The following ZNF208 variants were observed in gnomAD, a reference collection of about 807,000 sequenced individuals.
ZNF208 encodes zinc finger protein 95.
ZNF208 carries 10 observed loss-of-function variants against 12.1 expected under a neutral mutation model. The observed-to-expected ratio is 0.83, with a 90% CI of 0.51 to 1.40. ZNF208 has a LOEUF of 1.40. Among genes scored for constraint, ZNF208 ranks in the 40% most tolerant of loss-of-function variants. The pLI is 0.00. For synonymous variants in ZNF208, 497 were observed against 488.4 expected (o/e 1.02, Z -0.23); for missense variants, 1,652 against 1,485.0 (o/e 1.11, Z -1.85).
At chr19:21,940,486 T>C (rs1219664403) in intron 4 of ZNF208, 1 of 152,178 alleles carries the variant, frequency 6.6e-6, no homozygotes, top group East Asian at 1.9e-4. Context: ...AACTCTCACT[T>C]TAGGCGAGCA....
chr19:21,946,351 C>G (rs141172623), intron 4 of ZNF208, among the ~76,000 whole-genome samples: 263 of 152,318 alleles, frequency 1.7e-3, no homozygotes, highest in African/African-American at 5.8e-3. Context: ...CCAGGCAAAG[C>G]TGAGTCACAC....
At chr19:21,983,167 G>GAA (rs142980740) in intron 3 of ZNF208, among the ~76,000 whole-genome samples, 16 of 150,268 alleles carry the variant, frequency 1.1e-4, no homozygotes, top group South Asian at 2.1e-4. Context: ...AAATTTACAA[G>GAA]AAAAAAAAAC....
Position 21,974,410 on chromosome 19 carries a change from T to G in ZNF208, c.624A>C (p.Lys208Asn), listed in dbSNP as rs1970385954. ...ENSYKCEEGG[K>N]AFNWSSTLTY... ...TAAGGGTTGAGGACCAGTTAAAAGC[T>G]TTGCCACCTTCTTCACATTTGTAGG... Residue 208 changes from lysine to asparagine, a missense_variant, in exon 4 of 4, where the codon AAA becomes AAC. This residue lies in a region of ZNF208 where 410 missense variants were observed against 378.2 expected (regional missense o/e 1.08). Coordinates refer to ENST00000397126, the MANE Select transcript of ZNF208 (RefSeq NM_007153.3). 1 of 1,613,838 alleles carries G rather than the reference T, an allele frequency of 6.2e-7. No homozygotes were observed. The highest frequency in any genetic ancestry group is 8.5e-7 in the Non-Finnish European group (1 of 1,179,826).
chr19:21,971,023 G>T lies in ZNF208; in HGVS notation c.*168C>A, dbSNP rs1970269144. 1.3e-5 allele frequency among the ~76,000 whole-genome samples: 2 copies of T among 151,636 alleles called. No individual in the cohort carries two copies. Among genetic ancestry groups the T allele is most frequent in the Admixed American group, 6.6e-5 (1 of 15,204 alleles). ...AGCCTTTACCACATTCTTCACATTT[G>T]TAGGGTGTCTCTCCAGTATGAATTC... On this transcript the variant is annotated 3_prime_UTR_variant, in exon 4 of 4. Transcript: ENST00000397126.
At chr19:21,942,792 G>T (rs1180080405) in intron 4 of ZNF208, among the ~76,000 whole-genome samples, 1 of 151,948 alleles carries the variant, frequency 6.6e-6, no homozygotes, top group Admixed American at 6.6e-5. Context: ...GGTATTACAG[G>T]TACACACCAC....
chr19:21,999,155 A>T (rs1165825991), intron 1 of ZNF208, among the ~76,000 whole-genome samples: 1 of 151,730 alleles, frequency 6.6e-6, no homozygotes, highest in Non-Finnish European at 1.5e-5. Context: ...TTAATGGTAA[A>T]TTTTTTTGGA....
intron 4 of ZNF208, among the ~76,000 whole-genome samples, chr19:21,948,886 G>A (rs2666450): frequency 0.62 from 93,843 of 151,950 alleles, 29,703 homozygotes; most frequent in African/African-American, 0.74. Context: ...CATTCCCAAT[G>A]AGAATAAAAA....
Position 21,974,285 on chromosome 19 carries a change from A to G in ZNF208, c.749T>C (p.Ile250Thr). ...KFSILTKHKVIHTGEKSYKCE... is the reference protein window; with the variant it reads ...KFSILTKHKVTHTGEKSYKCE... ...TTTGTAGGATTTCTCTCCAGTATGA[A>G]TTACCTTATGTTTAGTAAGGATTGA... Residue 250 changes from isoleucine to threonine, a missense_variant, in exon 4 of 4, where the codon ATT becomes ACT. Ile to Thr is a moderately conservative substitution (Grantham distance 89). Coordinates refer to ENST00000397126, the MANE Select transcript of ZNF208 (RefSeq NM_007153.3). The G allele has an allele frequency of 6.2e-7, 1 of 1,613,334 alleles. No homozygotes were observed. Among genetic ancestry groups the G allele is most frequent in the Non-Finnish European group, 8.5e-7 (1 of 1,179,708 alleles).
intron 1 of ZNF208, among the ~76,000 whole-genome samples, chr19:22,002,720 C>A (rs1234445557): frequency 6.6e-6 from 1 of 152,146 alleles, no homozygotes; most frequent in East Asian, 1.9e-4. Flanking sequence ...TGGAAAGCAA[C>A]TTTATGCTCA....
downstream of ZNF208, among the ~76,000 whole-genome samples, chr19:21,963,114 G>A (rs745914220): frequency 2.0e-5 from 3 of 151,246 alleles, no homozygotes; most frequent in Admixed American, 6.6e-5. Context: ...AGGAAAGCAG[G>A]CAATGCTCTT....
At chr19:21,958,374 T>C (rs1970011454) in intron 4 of ZNF208, among the ~76,000 whole-genome samples, 1 of 152,120 alleles carries the variant, frequency 6.6e-6, no homozygotes, top group Admixed American at 6.6e-5. Context: ...TCTAAATCAA[T>C]ATTCTAGTTC....
chr19:21,941,274 C>T (rs1213177854), intron 4 of ZNF208: 1 of 399,152 alleles, frequency 2.5e-6, no homozygotes, highest in Non-Finnish European at 4.4e-6. Flanking sequence ...TTAGCAGAAA[C>T]CAAAGGCAGA....
rs756217020 is a variant in ZNF208, at chr19:21,973,496, A to G, written c.1538T>C (p.Met513Thr). ...TCCAGTATGAATTCTCTTATGTTCC[A>G]TAAGGTTTGAGGACCAGTTGAAAGC... ...GKAFNWSSNL[M>T]EHKRIHTGEK... Residue 513 changes from methionine (M) to threonine (T), a missense_variant, in exon 4 of 4, where the codon ATG becomes ACG. Physicochemically the swap from Met to Thr is moderately conservative, Grantham distance 81. This residue lies in a region of ZNF208 where 1,239 missense variants were observed against 1,086.2 expected (regional missense o/e 1.14). Transcript: ENST00000397126. 1.1e-4 allele frequency: 176 copies of G among 1,609,766 alleles called. 3 individuals are homozygous for G. In the South Asian group the frequency reaches 1.8e-3, roughly 17 times the overall value.
At chr19:21,942,636 ACTTTTCTTTCTTT>A (rs1172506822) in intron 4 of ZNF208, among the ~76,000 whole-genome samples, 2 of 151,910 alleles carry the variant, frequency 1.3e-5, no homozygotes, top group East Asian at 1.9e-4. Flanking sequence ...TGTTTGTATG[ACTTTTCTTTCTTT>A]CTTTTCTTTC....
intron 4 of ZNF208, among the ~76,000 whole-genome samples, chr19:21,952,148 G>A (rs1329866046): frequency 6.6e-6 from 1 of 152,218 alleles, no homozygotes; most frequent in Non-Finnish European, 1.5e-5. Context: ...TGGCCGGGAA[G>A]CTTGAACTGG....
chr19:21,964,109 C>G (rs561454757), downstream of ZNF208, among the ~76,000 whole-genome samples: 1 of 151,866 alleles, frequency 6.6e-6, no homozygotes, highest in African/African-American at 2.4e-5. Context: ...TAAATATGTG[C>G]AACTGTGATT....
At chr19:21,963,705 A>T (rs1970115800), downstream of ZNF208, among the ~76,000 whole-genome samples, 1 of 152,010 alleles carries the variant, frequency 6.6e-6, no homozygotes, top group Non-Finnish European at 1.5e-5. Context: ...AGTTTTATAC[A>T]CTTATTTGCT....
chr19:21,976,247 G>A (rs1970429194), intron 3 of ZNF208, among the ~76,000 whole-genome samples: 2 of 152,092 alleles, frequency 1.3e-5, no homozygotes, highest in South Asian at 4.1e-4. Context: ...AGACATAATA[G>A]GGAAGAATTT....
rs752210454 is a variant in ZNF208 at position 21,973,944 on chromosome 19, T to C, written c.1090A>G (p.Thr364Ala). 9.3e-6 allele frequency: 15 copies of C among 1,613,488 alleles called. No individual in the cohort carries two copies. The highest frequency in any genetic ancestry group is 3.3e-5 in the Admixed American group (2 of 59,932). Residue 364 changes from threonine (T) to alanine (A), a missense_variant, in exon 4 of 4, where the codon ACT (threonine) becomes GCT (alanine). Thr to Ala is a moderately conservative substitution (Grantham distance 58, BLOSUM62 0). Coordinates refer to ENST00000397126, the MANE Select transcript of ZNF208 (RefSeq NM_007153.3). ...SILTKHKVIH[T>A]GEKPYKCEEC... ...TCACATTTGTAGGGTTTCTCTCCAG[T>C]ATGAATTACCTTATGTTTAGTAAGG...
Sources: allele counts gnomAD v4.1 joint callset (sites outside exome capture counted in the v4.1 genomes callset), GRCh38; gene constraint gnomAD v4.1.1; regional missense constraint gnomAD v4.1.1; transcripts MANE v1.5; gene names NCBI Gene and HGNC (gene_info 2026-07-23, HGNC 2026-07-21).